Variants in UNC5C observed in about 807,000 individuals in gnomAD.
UNC5C encodes the protein unc-5 netrin receptor C, also known as netrin receptor UNC5C.
UNC5C carries 47 observed loss-of-function variants against 99.8 expected under a neutral mutation model. The ratio of observed to expected loss-of-function variants is 0.47; its 90% CI spans 0.37 to 0.60. UNC5C has a LOEUF of 0.60. UNC5C is among the 20% of genes least tolerant of loss of function. The pLI, the probability that UNC5C is intolerant of heterozygous loss-of-function variation, is 0.00. For synonymous variants in UNC5C, 487 were observed against 452.2 expected, an observed-to-expected ratio of 1.08 and a Z score of -0.98; for missense variants, 1,062 against 1,165.9, an observed-to-expected ratio of 0.91 and a Z score of 1.30.
intron 10 of UNC5C, among the ~76,000 whole-genome samples, chr4:95,208,387 A>C (rs1205678178): frequency 6.6e-6 from 1 of 152,206 alleles, no homozygotes; most frequent in African/African-American, 2.4e-5. Flanking sequence ...AAAGGCTCTT[A>C]GGCTAAGTCT....
chr4:95,273,171 G>A (rs1019593237), intron 4 of UNC5C, among the ~76,000 whole-genome samples: 3 of 152,206 alleles, frequency 2.0e-5, no homozygotes, highest in Non-Finnish European at 4.4e-5. Flanking sequence ...TAAGATGACA[G>A]TTTCTAAGCA....
chr4:95,468,138 T>G (rs538680917), intron 1 of UNC5C, among the ~76,000 whole-genome samples: 81 of 151,644 alleles, frequency 5.3e-4, no homozygotes, highest in South Asian at 1.7e-3. Context: ...GTTTTTTTTT[T>G]TTTTGTTTTT....
chr4:95,436,782 A>C (rs757200249), intron 1 of UNC5C, among the ~76,000 whole-genome samples: 1 of 151,928 alleles, frequency 6.6e-6, no homozygotes, highest in Admixed American at 6.6e-5. Flanking sequence ...CCCTCATGAC[A>C]TTATGCTCTA....
intron 1 of UNC5C, among the ~76,000 whole-genome samples, chr4:95,465,588 G>A (rs1747747419): frequency 6.6e-6 from 1 of 152,020 alleles, no homozygotes; most frequent in African/African-American, 2.4e-5. Context: ...CAGATTTGGT[G>A]GTTCTTTAAG....
chr4:95,237,543 C>G (rs967509104), intron 7 of UNC5C, among the ~76,000 whole-genome samples: 3 of 152,116 alleles, frequency 2.0e-5, no homozygotes, highest in Non-Finnish European at 2.9e-5. Context: ...CAAACACTAT[C>G]AAACTGGTAA....
At chr4:95,447,171 T>A (rs1747130633) in intron 1 of UNC5C, among the ~76,000 whole-genome samples, 2 of 152,136 alleles carry the variant, frequency 1.3e-5, no homozygotes, top group African/African-American at 4.8e-5. Flanking sequence ...GAGCTAGAGA[T>A]TAGAAATACA....
intron 1 of UNC5C, among the ~76,000 whole-genome samples, chr4:95,469,458 T>A (rs1237659054): frequency 6.6e-6 from 1 of 152,166 alleles, no homozygotes; most frequent in Admixed American, 6.6e-5. Flanking sequence ...TTTCTTATAA[T>A]AACCCTGCAC....
At chr4:95,517,363 A>T (rs1172646290) in intron 1 of UNC5C, among the ~76,000 whole-genome samples, 1 of 152,148 alleles carries the variant, frequency 6.6e-6, no homozygotes, top group Non-Finnish European at 1.5e-5. Flanking sequence ...TACTGGATTC[A>T]GGCTGACTAT....
intron 1 of UNC5C, among the ~76,000 whole-genome samples, chr4:95,493,892 C>T (rs1449539902): frequency 1.3e-5 from 2 of 151,412 alleles, no homozygotes; most frequent in African/African-American, 4.8e-5. Context: ...AGGAAATCTC[C>T]ACTACTATGT....
chr4:95,291,324 G>A (rs1225813433), intron 3 of UNC5C, among the ~76,000 whole-genome samples: 1 of 152,076 alleles, frequency 6.6e-6, no homozygotes, highest in East Asian at 1.9e-4. Context: ...ATACCAAAAA[G>A]CTAAGGCTCT....
At chr4:95,399,749 C>T (rs1302708541) in intron 1 of UNC5C, among the ~76,000 whole-genome samples, 2 of 152,192 alleles carry the variant, frequency 1.3e-5, no homozygotes, top group Non-Finnish European at 2.9e-5. Context: ...CTTCAAAGTA[C>T]TTTTTCTTAT....
intron 1 of UNC5C, among the ~76,000 whole-genome samples, chr4:95,466,905 T>C (rs185177788): frequency 2.5e-3 from 384 of 152,264 alleles, no homozygotes; most frequent in African/African-American, 8.9e-3. Context: ...ATCTAGTGAC[T>C]CACTACTAAT....
chr4:95,206,804 G>T lies in UNC5C; in HGVS notation c.1734-8C>A, dbSNP rs1737894786. ...GAGTCATCCATGGGTGGCCTAGGAG[G>T]AGAGCAGAGAATGGCTTCAGTGACA... is the stretch of plus-strand genomic sequence containing the variant. On this transcript the variant is annotated splice_region_variant and splice_polypyrimidine_tract_variant and intron_variant, in intron 10 of 15. Transcript: ENST00000453304. 3 of 1,562,542 alleles carry T rather than the reference G, an allele frequency of 1.9e-6. No homozygotes were observed. The highest frequency in any genetic ancestry group is 1.9e-5 in the Admixed American group (1 of 51,926).
intron 2 of UNC5C, among the ~76,000 whole-genome samples, chr4:95,323,819 C>T (rs1390316450): frequency 2.0e-5 from 3 of 152,072 alleles, no homozygotes; most frequent in Non-Finnish European, 4.4e-5. Context: ...AGGTGGATCA[C>T]GAAGTCAGGA....
At chr4:95,180,521 T>TTCATC (rs1162762285) in intron 14 of UNC5C, among the ~76,000 whole-genome samples, 1 of 152,248 alleles carries the variant, frequency 6.6e-6, no homozygotes, top group African/African-American at 2.4e-5. Flanking sequence ...CTTCTTAAAC[T>TTCATC]TCATCTCTGT....
intron 10 of UNC5C, among the ~76,000 whole-genome samples, chr4:95,215,714 G>T (rs1018254867): frequency 6.6e-6 from 1 of 152,106 alleles, no homozygotes; most frequent in Non-Finnish European, 1.5e-5. Flanking sequence ...GAGTGGGAGC[G>T]GTAGGGATTG....
rs143193935 is a variant in UNC5C at position 95,518,599 on chromosome 4, G to A, written c.124+30135C>T. On this transcript the variant is annotated intron_variant, in intron 1 of 15. Transcript: ENST00000453304. Reference sequence around the variant, plus strand: ...GTGACTCCAGTAGTTCACCTTGGAAGAGACTTATACATAATTTTCAATATG... The same window carrying A: ...GTGACTCCAGTAGTTCACCTTGGAAAAGACTTATACATAATTTTCAATATG... Among the ~76,000 whole-genome samples, 995 of 152,298 alleles carry A rather than the reference G, an allele frequency of 6.5e-3. 6 individuals carry two copies. The highest frequency in any genetic ancestry group is 0.023 in the African/African-American group (952 of 41,562).
chr4:95,206,541 T>C, intron 11 of UNC5C, 87 bp downstream of exon 11: 1 of 1,574,998 alleles, frequency 6.3e-7, no homozygotes, highest in Non-Finnish European at 8.6e-7. Flanking sequence ...CATGTTTTGC[T>C]TTATAAATAA....
chr4:95,233,510 G>T (rs1738988131), intron 7 of UNC5C, among the ~76,000 whole-genome samples: 1 of 142,862 alleles, frequency 7.0e-6, no homozygotes, highest in Non-Finnish European at 1.5e-5. Flanking sequence ...ATATAAATTT[G>T]CATTTCTGGA....
Sources: allele counts gnomAD v4.1 joint callset (sites outside exome capture counted in the v4.1 genomes callset), GRCh38; gene constraint gnomAD v4.1.1; transcripts MANE v1.5; gene names NCBI Gene and HGNC (gene_info 2026-07-23, HGNC 2026-07-21).